Variants in MAGI2 observed in about 807,000 individuals in gnomAD.
MAGI2 encodes membrane-associated guanylate kinase, WW and PDZ domain-containing protein 2.
MAGI2 carries 35 observed loss-of-function variants against 133.3 expected under a neutral mutation model. That is an observed-to-expected ratio of 0.26 (90% CI 0.20 to 0.35). MAGI2 has a LOEUF of 0.35. MAGI2 is among the 10% of genes least tolerant of loss of function. MAGI2 has a pLI of 1.00. For missense variants in MAGI2, 1,636 were observed against 1,863.4 expected (o/e 0.88, Z 2.25); for synonymous variants, 729 against 710.6 (o/e 1.03, Z -0.41).
intron 1 of MAGI2, among the ~76,000 whole-genome samples, chr7:79,109,163 G>A (rs1818698765): frequency 6.6e-6 from 1 of 152,204 alleles, no homozygotes; most frequent in Non-Finnish European, 1.5e-5. Flanking sequence ...AAAGATACTT[G>A]AAAATCTGGA....
At chr7:78,198,338 G>A (rs1238518327) in intron 11 of MAGI2, among the ~76,000 whole-genome samples, 1 of 151,606 alleles carries the variant, frequency 6.6e-6, no homozygotes, top group Non-Finnish European at 1.5e-5. Context: ...TGAACGGACA[G>A]CCACTGAAAT....
At chr7:78,373,565 C>G (rs1794145387) in intron 6 of MAGI2, among the ~76,000 whole-genome samples, 1 of 150,458 alleles carries the variant, frequency 6.6e-6, no homozygotes, top group South Asian at 2.1e-4. Flanking sequence ...TTGGAGGGCT[C>G]CTACTCACAC....
chr7:78,964,586 A>G (rs1352984309), intron 2 of MAGI2, among the ~76,000 whole-genome samples: 3 of 152,088 alleles, frequency 2.0e-5, no homozygotes, highest in East Asian at 3.9e-4. Flanking sequence ...CAACAGGAAG[A>G]TATATACTTC....
intron 20 of MAGI2, among the ~76,000 whole-genome samples, chr7:78,121,101 C>T (rs1236424928): frequency 6.8e-6 from 1 of 147,414 alleles, no homozygotes; most frequent in African/African-American, 2.5e-5. Context: ...GAGAAATCAA[C>T]TGTAGGTGAT....
chr7:78,903,479 G>A (rs938634503), intron 2 of MAGI2, among the ~76,000 whole-genome samples: 7 of 152,228 alleles, frequency 4.6e-5, no homozygotes, highest in African/African-American at 1.7e-4. Context: ...ACAGGCGTGA[G>A]CCACCGCGCC....
chr7:79,092,855 T>C (rs1392101613), intron 1 of MAGI2, among the ~76,000 whole-genome samples: 2 of 152,156 alleles, frequency 1.3e-5, no homozygotes, highest in Non-Finnish European at 2.9e-5. Context: ...CAGCCACTCC[T>C]CTTACCTCCT....
intron 2 of MAGI2, among the ~76,000 whole-genome samples, chr7:78,739,140 C>T (rs552008912): frequency 6.6e-6 from 1 of 152,174 alleles, no homozygotes; most frequent in South Asian, 2.1e-4. Flanking sequence ...TTTTTTCCCC[C>T]TCAGTGAATT....
intron 6 of MAGI2, among the ~76,000 whole-genome samples, chr7:78,377,536 G>T (rs1187542565): frequency 6.6e-6 from 1 of 151,728 alleles, no homozygotes; most frequent in Admixed American, 6.6e-5. Context: ...ATGTTAGTGG[G>T]AGAGGGGGCT....
chr7:79,250,097 A>G (rs1833121302), intron 1 of MAGI2, among the ~76,000 whole-genome samples: 1 of 152,116 alleles, frequency 6.6e-6, no homozygotes, highest in Admixed American at 6.6e-5. Flanking sequence ...TCTCTTCATG[A>G]TAAAAATAAA....
chr7:78,864,010 T>A (rs984623272), intron 2 of MAGI2, among the ~76,000 whole-genome samples: 4 of 152,344 alleles, frequency 2.6e-5, no homozygotes, highest in Non-Finnish European at 5.9e-5. Context: ...GGGAAAAAGC[T>A]GTACAAGGTA....
intron 1 of MAGI2, among the ~76,000 whole-genome samples, chr7:79,235,846 G>A (rs1156996911): frequency 2.0e-5 from 3 of 152,150 alleles, no homozygotes; most frequent in Admixed American, 6.5e-5. Flanking sequence ...CCTTACCTTT[G>A]GAAACACTTT....
intron 20 of MAGI2, among the ~76,000 whole-genome samples, chr7:78,103,599 C>T (rs1444138964): frequency 6.6e-6 from 1 of 152,250 alleles, no homozygotes; most frequent in East Asian, 1.9e-4. Context: ...GGTTACCCGG[C>T]TAGTAAGTGA....
intron 2 of MAGI2, among the ~76,000 whole-genome samples, chr7:78,681,232 C>G (rs543869022): frequency 2.5e-4 from 38 of 151,812 alleles, no homozygotes; most frequent in Non-Finnish European, 3.5e-4. Flanking sequence ...GGGTCAATAA[C>G]CCCGAGATGT....
intron 3 of MAGI2, among the ~76,000 whole-genome samples, chr7:78,526,321 A>G (rs557858176): frequency 6.6e-6 from 1 of 152,094 alleles, no homozygotes; most frequent in Non-Finnish European, 1.5e-5. Context: ...CATTTTAGGA[A>G]TTTTTTTCCA....
intron 2 of MAGI2, among the ~76,000 whole-genome samples, chr7:78,888,890 A>T (rs1199873943): frequency 2.0e-5 from 3 of 152,242 alleles, no homozygotes; most frequent in African/African-American, 7.2e-5. Flanking sequence ...AATGACTTTG[A>T]TGAGTTGAGA....
At chr7:78,216,464 TC>T (rs1228710676) in intron 10 of MAGI2, among the ~76,000 whole-genome samples, 2 of 152,212 alleles carry the variant, frequency 1.3e-5, no homozygotes, top group Non-Finnish European at 2.9e-5. Context: ...AAAGTGAAAA[TC>T]CTTTGTAGGA....
rs1028651417 is a variant in MAGI2, at chr7:78,621,026, C to T, written c.538+6094G>A. Among the ~76,000 whole-genome samples, 6 of 151,898 alleles carry T rather than the reference C, an allele frequency of 4.0e-5. No individual in the cohort carries two copies. In the East Asian group the frequency reaches 5.8e-4, roughly 15 times the overall value. On this transcript the variant is annotated intron_variant, in intron 3 of 21. Coordinates refer to ENST00000354212, the MANE Select transcript of MAGI2 (RefSeq NM_012301.4). ...CTGCTGTAAGTGGTGAGTGAAATCACGAATGTAAAATCACAGACACCTGGA... is the reference window on the plus strand; with the variant it reads ...CTGCTGTAAGTGGTGAGTGAAATCATGAATGTAAAATCACAGACACCTGGA...
intron 21 of MAGI2, among the ~76,000 whole-genome samples, chr7:78,060,687 G>A (rs1198643228): frequency 6.6e-6 from 1 of 152,208 alleles, no homozygotes; most frequent in South Asian, 2.1e-4. Flanking sequence ...AGGAGGACAA[G>A]ATTTGGGGAA....
At chr7:78,630,092 T>A (rs1232650350) in intron 2 of MAGI2, among the ~76,000 whole-genome samples, 1 of 152,076 alleles carries the variant, frequency 6.6e-6, no homozygotes, top group East Asian at 1.9e-4. Flanking sequence ...ACCCAGCCCC[T>A]GGAAGCCCTT....
Sources: allele counts gnomAD v4.1 joint callset (sites outside exome capture counted in the v4.1 genomes callset), GRCh38; gene constraint gnomAD v4.1.1; transcripts MANE v1.5; gene names NCBI Gene and HGNC (gene_info 2026-07-23, HGNC 2026-07-21).